PTPRD: variants seen among roughly 807,000 people sequenced by gnomAD.
The protein encoded by PTPRD is receptor-type tyrosine-protein phosphatase delta.
A neutral mutation model predicts 214.5 loss-of-function variants in PTPRD; 34 were observed. The ratio of observed to expected loss-of-function variants is 0.16; its 90% CI spans 0.12 to 0.21. The LOEUF is 0.21. Ranked by LOEUF, PTPRD falls within the 10% of genes least tolerant of loss-of-function variation. The pLI is 1.00. For synonymous variants in PTPRD, 1,128 were observed against 845.7 expected (o/e 1.33, Z -5.79); for missense variants, 2,545 against 2,398.7 (o/e 1.06, Z -1.27).
At chr9:9,778,299 T>C (rs1290976990) in intron 5 of PTPRD, among the ~76,000 whole-genome samples, 4 of 152,140 alleles carry the variant, frequency 2.6e-5, no homozygotes. Flanking sequence ...TCACTCTCTC[T>C]GTGGACCTCT....
At chr9:9,600,495 T>A (rs775322379) in intron 7 of PTPRD, among the ~76,000 whole-genome samples, 1 of 152,220 alleles carries the variant, frequency 6.6e-6, no homozygotes, top group Non-Finnish European at 1.5e-5. Flanking sequence ...CACACTGGCA[T>A]GTGAAGACAG....
At chr9:9,033,581 T>G (rs1344765857) in intron 10 of PTPRD, among the ~76,000 whole-genome samples, 3 of 152,136 alleles carry the variant, frequency 2.0e-5, no homozygotes, top group Non-Finnish European at 4.4e-5. Context: ...TGGAAAATAC[T>G]AGAGATAGAT....
intron 6 of PTPRD, among the ~76,000 whole-genome samples, chr9:9,765,051 C>T (rs951872529): frequency 6.6e-6 from 1 of 152,094 alleles, no homozygotes; most frequent in Non-Finnish European, 1.5e-5. Context: ...GTGCCTGGAG[C>T]CATTCATTCC....
intron 3 of PTPRD, among the ~76,000 whole-genome samples, chr9:10,162,906 G>T (rs1190974060): frequency 6.7e-6 from 1 of 150,158 alleles, no homozygotes; most frequent in African/African-American, 2.4e-5. Flanking sequence ...GTACTTCAGG[G>T]AAAAAATGTA....
intron 7 of PTPRD, among the ~76,000 whole-genome samples, chr9:9,594,202 T>A (rs966585823): frequency 6.6e-6 from 1 of 152,024 alleles, no homozygotes; most frequent in Non-Finnish European, 1.5e-5. Flanking sequence ...AGGACACACA[T>A]GTGAGAGAGT....
At chr9:8,839,333 T>C (rs1266663598) in intron 11 of PTPRD, among the ~76,000 whole-genome samples, 1 of 152,004 alleles carries the variant, frequency 6.6e-6, no homozygotes, top group East Asian at 1.9e-4. Context: ...TATTTATTTA[T>C]TTATTTATTT....
At chr9:9,180,233 G>T (rs2099927407) in intron 10 of PTPRD, among the ~76,000 whole-genome samples, 1 of 151,822 alleles carries the variant, frequency 6.6e-6, no homozygotes, top group African/African-American at 2.4e-5. Flanking sequence ...TTAAGAAAAT[G>T]TGGCACGTAT....
At chr9:9,104,859 G>C (rs1159458210) in intron 10 of PTPRD, among the ~76,000 whole-genome samples, 1 of 152,158 alleles carries the variant, frequency 6.6e-6, no homozygotes, top group East Asian at 1.9e-4. Flanking sequence ...TGCAAGAATT[G>C]ATAATAGCCA....
At chr9:9,801,198 C>T (rs1242922983) in intron 5 of PTPRD, among the ~76,000 whole-genome samples, 1 of 152,014 alleles carries the variant, frequency 6.6e-6, no homozygotes, top group Non-Finnish European at 1.5e-5. Flanking sequence ...ATTTTTAAAT[C>T]ATTAGTACCC....
At chr9:8,326,432 G>C (rs1833842396) in intron 44 of PTPRD, among the ~76,000 whole-genome samples, 1 of 151,970 alleles carries the variant, frequency 6.6e-6, no homozygotes, top group Admixed American at 6.6e-5. Context: ...ACTTGATCGT[G>C]GTGGATAAGC....
intron 9 of PTPRD, among the ~76,000 whole-genome samples, chr9:9,382,255 T>C (rs951290284): frequency 2.0e-5 from 3 of 152,146 alleles, no homozygotes; most frequent in Non-Finnish European, 4.4e-5. Flanking sequence ...GCTAAATTCA[T>C]ACATTAGTTC....
chr9:8,671,720 A>G (rs1469036130), intron 12 of PTPRD, among the ~76,000 whole-genome samples: 2 of 152,104 alleles, frequency 1.3e-5, no homozygotes, highest in Non-Finnish European at 2.9e-5. Context: ...TTTTTTACAC[A>G]CCTATTGCTT....
Position 9,972,774 on chromosome 9 carries a change from G to A in PTPRD, c.-471-34164C>T, listed in dbSNP as rs539527089. ...CTGCATGCCTTGTCTTGTGGCTTAC[G>A]GGCATCATTACTAGCTTTTGCTTCC... is the stretch of plus-strand genomic sequence containing the variant. On this transcript the variant is annotated intron_variant, in intron 4 of 45. Transcript: ENST00000381196. 2.2e-4 allele frequency among the ~76,000 whole-genome samples: 34 copies of A among 152,154 alleles called. No homozygotes were observed. The South Asian group carries it at 4.2e-3, about 19-fold the overall frequency.
chr9:9,553,643 A>G (rs1046992530), intron 8 of PTPRD, among the ~76,000 whole-genome samples: 3 of 152,096 alleles, frequency 2.0e-5, no homozygotes, highest in Admixed American at 1.3e-4. Flanking sequence ...AAAGCATACA[A>G]TTTTTCTTTA....
chr9:10,025,952 C>G (rs2096915233), intron 4 of PTPRD, among the ~76,000 whole-genome samples: 1 of 152,104 alleles, frequency 6.6e-6, no homozygotes, highest in Non-Finnish European at 1.5e-5. Flanking sequence ...GAACAGATCT[C>G]AAGAAAGAGA....
At chr9:8,784,928 T>C (rs2095876209) in intron 11 of PTPRD, among the ~76,000 whole-genome samples, 1 of 152,240 alleles carries the variant, frequency 6.6e-6, no homozygotes, top group East Asian at 1.9e-4. Context: ...ACAACTTCCA[T>C]GATAAGGTCA....
At chr9:8,360,238 G>A (rs1430340537) in intron 39 of PTPRD, among the ~76,000 whole-genome samples, 2 of 152,166 alleles carry the variant, frequency 1.3e-5, no homozygotes, top group African/African-American at 4.8e-5. Flanking sequence ...TGACACAACT[G>A]CAGGTAAATG....
chr9:9,912,831 C>A (rs1338198485), intron 5 of PTPRD, among the ~76,000 whole-genome samples: 1 of 152,118 alleles, frequency 6.6e-6, no homozygotes, highest in Admixed American at 6.6e-5. Flanking sequence ...GAGAATATTG[C>A]AAGAGTTTTT....
chr9:8,371,532 A>T (rs375052624), intron 39 of PTPRD, among the ~76,000 whole-genome samples: 25 of 152,154 alleles, frequency 1.6e-4, no homozygotes, highest in African/African-American at 5.8e-4. Flanking sequence ...ATAAATGGGG[A>T]ATAAGCTTAA....
Sources: gnomAD v4.1 joint callset for allele counts (sites outside exome capture counted in the v4.1 genomes callset) on GRCh38, gnomAD v4.1.1 for gene constraint, MANE v1.5 for transcripts, NCBI Gene and HGNC (gene_info 2026-07-23, HGNC 2026-07-21) for gene names.